Variants in LRCH1 observed in about 807,000 individuals in gnomAD.
LRCH1 encodes the protein leucine-rich repeat and calponin homology domain-containing protein 1.
Under a neutral mutation model 94.9 loss-of-function variants are expected in LRCH1, and 23 were observed. That is an observed-to-expected ratio of 0.24 (90% confidence interval 0.17 to 0.34). The LOEUF (loss-of-function observed/expected upper bound fraction) is 0.34. LRCH1 is among the 10% of genes least tolerant of loss of function. The probability of loss-of-function intolerance (pLI) is 1.00; values close to 1 mark genes in which losing one functional copy is unlikely to be tolerated. For synonymous variants in LRCH1, 364 were observed against 354.9 expected (o/e 1.03, Z -0.29); for missense variants, 790 against 945.9 (o/e 0.84, Z 2.16).
intron 16 of LRCH1, chr13:46,717,827 C>T (rs1872398828): frequency 1.3e-5 from 2 of 151,910 alleles, no homozygotes; most frequent in Admixed American, 1.3e-4. Flanking sequence ...ATCTTATTCC[C>T]ATTCTATCTC....
chr13:46,655,955 C>T (rs1185045819), intron 2 of LRCH1, among the ~76,000 whole-genome samples: 1 of 152,176 alleles, frequency 6.6e-6, no homozygotes, highest in Admixed American at 6.5e-5. Flanking sequence ...GAGTGGGTTC[C>T]GAAGCATTGC....
chr13:46,735,449 G>A lies in LRCH1; in HGVS notation c.2085+1451G>A, dbSNP rs540315184. ...ATTAGGTTATGACCTAACTCCCTGT[G>A]GTTTTTAAAACTCATCAATGTGTTT... On this transcript the variant is annotated intron_variant, in intron 19 of 19. Coordinates refer to ENST00000389797, the MANE Select transcript of LRCH1 (RefSeq NM_001164211.2). Among the ~76,000 whole-genome samples the A allele has an allele frequency of 2.0e-5, 3 of 152,124 alleles. No individual in the cohort carries two copies. The East Asian group carries it at 5.8e-4, about 29-fold the overall frequency.
At chr13:46,704,039 C>A (rs1400559161) in intron 11 of LRCH1, among the ~76,000 whole-genome samples, 1 of 151,988 alleles carries the variant, frequency 6.6e-6, no homozygotes, top group Admixed American at 6.5e-5. Flanking sequence ...TATATGGATT[C>A]TTTCATTTTC....
chr13:46,655,981 C>A (rs561074992), intron 2 of LRCH1, among the ~76,000 whole-genome samples: 1 of 152,138 alleles, frequency 6.6e-6, no homozygotes, highest in Admixed American at 6.5e-5. Context: ...AAGAACAGGG[C>A]GGTCTCTTGA....
intron 4 of LRCH1, among the ~76,000 whole-genome samples, chr13:46,685,262 T>C (rs1175737763): frequency 6.6e-6 from 1 of 152,200 alleles, no homozygotes; most frequent in Non-Finnish European, 1.5e-5. Flanking sequence ...TTACTTAGTG[T>C]CTACTGTGCC....
chr13:46,657,500 CTTTTTTTTTTTTTTTTTTTTTTTTTTTTT>C (rs67588975), intron 2 of LRCH1, among the ~76,000 whole-genome samples: 3 of 11,392 alleles, frequency 2.6e-4, no homozygotes, highest in Non-Finnish European at 4.9e-4. Flanking sequence ...CTTTTCTTTT[CTTTTTTTTTTTTTTTTTTTTTTTTTTTTT>C]TTTTTTTTTT....
intron 2 of LRCH1, among the ~76,000 whole-genome samples, chr13:46,664,199 G>C (rs911977651): frequency 6.6e-6 from 1 of 152,138 alleles, no homozygotes; most frequent in Non-Finnish European, 1.5e-5. Flanking sequence ...TATTTTAAAG[G>C]TGGCTAAAAT....
rs757564364 is a variant in LRCH1, at chr13:46,612,055, A to G, written c.308-38146A>G. On this transcript the variant is annotated intron_variant, in intron 1 of 19. Transcript: ENST00000389797. ...AAGGGGACCTCATTTTTTCCCCAGC[A>G]AAACAAAACCGACAGCCTGTTATAT... is the stretch of plus-strand genomic sequence containing the variant. 5.3e-5 allele frequency among the ~76,000 whole-genome samples: 8 copies of G among 152,344 alleles called. No individual in the cohort carries two copies. The South Asian group carries it at 1.5e-3, about 28-fold the overall frequency.
At chr13:46,727,852 A>C (rs568074803) in intron 17 of LRCH1, among the ~76,000 whole-genome samples, 1 of 152,306 alleles carries the variant, frequency 6.6e-6, no homozygotes, top group South Asian at 2.1e-4. Flanking sequence ...AATTTTTAAA[A>C]GAAGGACAAA....
intron 1 of LRCH1, among the ~76,000 whole-genome samples, chr13:46,598,566 A>T (rs1301677712): frequency 2.0e-5 from 3 of 147,614 alleles, no homozygotes. Flanking sequence ...ACTTTCTGTA[A>T]CTTTTGTAGT....
chr13:46,626,390 C>T (rs2050950336), intron 1 of LRCH1, among the ~76,000 whole-genome samples: 1 of 152,216 alleles, frequency 6.6e-6, no homozygotes, highest in African/African-American at 2.4e-5. Flanking sequence ...ATAGCCTTAA[C>T]TGATGACATT....
At chr13:46,736,467 C>T (rs1222370960) in intron 19 of LRCH1, among the ~76,000 whole-genome samples, 1 of 152,044 alleles carries the variant, frequency 6.6e-6, no homozygotes, top group Non-Finnish European at 1.5e-5. Flanking sequence ...CCTTCCCTAC[C>T]TAGGAGGGTT....
At chr13:46,590,283 C>G (rs2050484836) in intron 1 of LRCH1, among the ~76,000 whole-genome samples, 1 of 152,162 alleles carries the variant, frequency 6.6e-6, no homozygotes, top group Non-Finnish European at 1.5e-5. Context: ...GTCCTCCCCC[C>G]TTCACCCTAT....
intron 13 of LRCH1, among the ~76,000 whole-genome samples, chr13:46,706,428 G>A (rs1219228520): frequency 1.3e-5 from 2 of 152,032 alleles, no homozygotes; most frequent in Non-Finnish European, 2.9e-5. Context: ...CTCTTCCCTG[G>A]GTGGAGGCCT....
chr13:46,613,359 G>A (rs1272695119), intron 1 of LRCH1, among the ~76,000 whole-genome samples: 3 of 150,976 alleles, frequency 2.0e-5, no homozygotes, highest in Admixed American at 2.0e-4. Context: ...CTGCACTCCT[G>A]CCTGGTGACA....
chr13:46,733,836 C>A, intron 18 of LRCH1, 85 bp from the exon 19 acceptor site: 1 of 737,674 alleles, frequency 1.4e-6, no homozygotes, highest in Non-Finnish European at 2.2e-6. Context: ...TTGCTTGTGC[C>A]ATTTGGGAAG....
chr13:46,564,296 G>T (rs1428031226), intron 1 of LRCH1, among the ~76,000 whole-genome samples: 5 of 152,170 alleles, frequency 3.3e-5, no homozygotes, highest in African/African-American at 1.2e-4. Flanking sequence ...CCTGTGATTT[G>T]GTTCTCCCGC....
intron 4 of LRCH1, among the ~76,000 whole-genome samples, chr13:46,682,915 G>C (rs542005778): frequency 7.2e-5 from 11 of 152,182 alleles, no homozygotes; most frequent in South Asian, 6.2e-4. Flanking sequence ...AGCCTCATAG[G>C]GGGTAGTGGA....
chr13:46,553,255 T>C lies in LRCH1; in HGVS notation c.-142T>C, dbSNP rs1594237955. On this transcript the variant is annotated 5_prime_UTR_variant, in exon 1 of 20. Transcript: ENST00000389797. Reference sequence around the variant, plus strand: ...CCGCCCGCCCCCCATTCTACGCGCCTGCCCACACCCTCCTCCCCTCCTTCC... The same window carrying C: ...CCGCCCGCCCCCCATTCTACGCGCCCGCCCACACCCTCCTCCCCTCCTTCC... 9.7e-6 allele frequency: 3 copies of C among 308,192 alleles called. No homozygotes were observed. Among genetic ancestry groups the C allele is most frequent in the South Asian group, 2.6e-5 (1 of 39,006 alleles). 19.1% of individuals were successfully genotyped at this position (308,192 alleles called of 1,614,324 possible). A position where few individuals can be genotyped will look rare whatever the true frequency, so the allele number is the denominator to read the frequency against.
Sources: allele counts gnomAD v4.1 joint callset (sites outside exome capture counted in the v4.1 genomes callset), GRCh38; gene constraint gnomAD v4.1.1; transcripts MANE v1.5; gene names NCBI Gene and HGNC (gene_info 2026-07-23, HGNC 2026-07-21).